The following ZNF318 variants were observed in gnomAD, a reference collection of about 807,000 sequenced individuals.
The protein encoded by ZNF318 is zinc finger protein 318.
ZNF318 carries 51 observed loss-of-function variants against 124.2 expected under a neutral mutation model. The observed-to-expected ratio is 0.41, with a 90% CI of 0.33 to 0.52. The LOEUF is 0.52. Ranked by LOEUF, ZNF318 falls within the 20% of genes least tolerant of loss-of-function variation. The pLI is 0.23. For missense variants in ZNF318, 2,815 were observed against 2,811.2 expected (o/e 1.00, Z -0.03); for synonymous variants, 1,090 against 1,040.7 (o/e 1.05, Z -0.91).
In ZNF318 at chr6:43,339,096, G is replaced by A. The variant is rs748364696; in HGVS notation, c.4902C>T (p.Val1634=). The A allele has an allele frequency of 1.2e-5, 19 of 1,614,006 alleles. No homozygotes were observed. The highest frequency in any genetic ancestry group is 3.3e-5 in the South Asian group (3 of 91,074). ...CAGAGTTGCTAACTATAGGAGCAGCGACCAAACCCTCATCTTGATGCAACT... is the reference window on the plus strand; with the variant it reads ...CAGAGTTGCTAACTATAGGAGCAGCAACCAAACCCTCATCTTGATGCAACT... The part of the protein sequence containing the change: ...QEELHQDEGL[V]AAPIVSNSEK... Residue 1634 remains valine (V), a synonymous_variant, in exon 10 of 10, where the codon GTC becomes GTT. Transcript: ENST00000361428. The surrounding 1 kb of genome is among the most constrained non-coding windows in gnomAD (Gnocchi z 4.2).
chr6:43,349,703 T>C (rs1779500386), intron 5 of ZNF318, among the ~76,000 whole-genome samples: 1 of 152,186 alleles, frequency 6.6e-6, no homozygotes, highest in Non-Finnish European at 1.5e-5. Context: ...TATGTTCTTT[T>C]CCTCACTGTG....
At chr6:43,342,274 C>A in intron 7 of ZNF318, 63 bp from the exon 8 acceptor site, 2 of 1,351,736 alleles carry the variant, frequency 1.5e-6, no homozygotes, top group Non-Finnish European at 2.0e-6. Flanking sequence ...CCACTTTTCT[C>A]TTTTTTTTCC....
Position 43,337,113 on chromosome 6 carries a change from C to T in ZNF318, c.*45G>A. 1 of 1,492,752 alleles carries T rather than the reference C, an allele frequency of 6.7e-7. No homozygotes were observed. The highest frequency in any genetic ancestry group is 8.9e-7 in the Non-Finnish European group (1 of 1,117,738). 92.5% of individuals were successfully genotyped at this position (1,492,752 alleles called of 1,614,324 possible). A position where few individuals can be genotyped will look rare whatever the true frequency, so the allele number is the denominator to read the frequency against. ...CTTGGATCATCTGGGCATCTGATTTCTAGAAGCCAATGATTCACTCACAAG... is the reference window on the plus strand; with the variant it reads ...CTTGGATCATCTGGGCATCTGATTTTTAGAAGCCAATGATTCACTCACAAG... On this transcript the variant is annotated 3_prime_UTR_variant, in exon 10 of 10. Transcript: ENST00000361428.
intron 8 of ZNF318, 80 bp from the exon 9 acceptor site, chr6:43,340,988 C>T: frequency 9.5e-7 from 1 of 1,048,702 alleles, no homozygotes; most frequent in Non-Finnish European, 1.5e-6. Context: ...CCCACCACCC[C>T]TTTGCAGTAA....
At chr6:43,346,465 A>G (rs1219201034) in intron 6 of ZNF318, among the ~76,000 whole-genome samples, 1 of 149,632 alleles carries the variant, frequency 6.7e-6, no homozygotes, top group African/African-American at 2.5e-5. Flanking sequence ...TGGGTGACAG[A>G]GCAAGAACTC....
rs1779582438 is a variant in ZNF318 at position 43,354,911 on chromosome 6, G to A, written c.2423C>T (p.Ser808Phe). The A allele has an allele frequency of 6.2e-7, 1 of 1,612,602 alleles. No individual in the cohort carries two copies. The highest frequency in any genetic ancestry group is 1.3e-5 in the African/African-American group (1 of 74,900). The change falls in exon 4 of 10, where the codon TCT (serine) becomes TTT (phenylalanine). Residue 808 changes from serine to phenylalanine, a missense_variant. Coordinates refer to ENST00000361428, the MANE Select transcript of ZNF318 (RefSeq NM_014345.3). ...AASRWPMYPT[S>F]QPSNHPVPEP... ...AGGTACAGGGTGGTTTGACGGTTGA[G>A]AGGTGGGATACATGGGCCATCTGGA...
chr6:43,356,993 A>C, intron 3 of ZNF318, 133 bp downstream of exon 3: 1 of 1,070,664 alleles, frequency 9.3e-7, no homozygotes, highest in Non-Finnish European at 1.3e-6. Flanking sequence ...AGAGTCCTAG[A>C]AGGTGTAGCT....
intron 7 of ZNF318, 100 bp from the exon 8 acceptor site, chr6:43,342,311 GC>G: frequency 1.1e-6 from 1 of 914,970 alleles, no homozygotes; most frequent in Non-Finnish European, 1.6e-6. Context: ...GGGACCAGAA[GC>G]CCCCAGCTAC....
intron 2 of ZNF318, among the ~76,000 whole-genome samples, chr6:43,361,393 A>T (rs1409902219): frequency 6.6e-6 from 1 of 152,132 alleles, no homozygotes; most frequent in African/African-American, 2.4e-5. Context: ...ATAGAAACCC[A>T]ATTTCTAAAA....
intron 2 of ZNF318, among the ~76,000 whole-genome samples, chr6:43,360,692 A>G (rs1192737671): frequency 6.6e-6 from 1 of 152,244 alleles, no homozygotes; most frequent in African/African-American, 2.4e-5. Flanking sequence ...TCAAAATGTT[A>G]TCCATTCATT....
In ZNF318 at chr6:43,363,976, T is replaced by C. The variant is rs1581652097; in HGVS notation, c.548+1316A>G. The C allele has an allele frequency of 7.3e-6, 5 of 687,430 alleles. No homozygotes were observed. In the East Asian group the frequency reaches 1.1e-4, roughly 15 times the overall value. The allele number at this position is 687,430 out of a possible 1,614,324, so 42.6% of individuals were successfully genotyped here. ...CGTTCCTTGCAAGGTGACAGGCTACTGCGGCTCTGTGCTGGTGCACCTCAT... is the reference window on the plus strand; with the variant it reads ...CGTTCCTTGCAAGGTGACAGGCTACCGCGGCTCTGTGCTGGTGCACCTCAT... On this transcript the variant is annotated intron_variant, in intron 2 of 9. Transcript: ENST00000361428.
rs769032541 is a variant in ZNF318 at position 43,338,956 on chromosome 6, C to G, written c.5042G>C (p.Cys1681Ser). 18 of 1,614,046 alleles carry G rather than the reference C, an allele frequency of 1.1e-5. No homozygotes were observed. The highest frequency in any genetic ancestry group is 1.3e-5 in the African/African-American group (1 of 74,932). The change falls in exon 10 of 10, where the codon TGC becomes TCC. Residue 1681 changes from cysteine to serine, a missense_variant. Cys to Ser is a moderately radical substitution (Grantham distance 112). Transcript: ENST00000361428. Reference sequence around the variant, plus strand: ...AATTGTTTCATAAGGCCTGCTTTGGCACAACCTTGTCAGAGGCTGTAGGAA... The same window carrying G: ...AATTGTTTCATAAGGCCTGCTTTGGGACAACCTTGTCAGAGGCTGTAGGAA... ...YGFLQPLTRL[C>S]QSRPYETITP... is the part of the protein sequence containing the mutation.
chr6:43,344,312 T>C (rs776734890), intron 6 of ZNF318, among the ~76,000 whole-genome samples: 2 of 152,224 alleles, frequency 1.3e-5, no homozygotes, highest in Non-Finnish European at 2.9e-5. Context: ...CTCAAAATAC[T>C]GTATACCCTT....
At chr6:43,341,668 AAAAAG>A (rs961038807) in intron 8 of ZNF318, among the ~76,000 whole-genome samples, 4 of 152,006 alleles carry the variant, frequency 2.6e-5, no homozygotes, top group African/African-American at 9.7e-5. Flanking sequence ...AAAAAAAAAA[AAAAAG>A]AAATTGAGAA....
At chr6:43,356,928 T>C (rs185593469) in intron 3 of ZNF318, among the ~76,000 whole-genome samples, 198 bp downstream of exon 3, 58 of 152,258 alleles carry the variant, frequency 3.8e-4, no homozygotes, top group Non-Finnish European at 5.7e-4. Context: ...TAAAGCCTAA[T>C]ATACAGCAAT....
rs779096987 is a variant in ZNF318, at chr6:43,338,529, T to G, written c.5469A>C (p.Val1823=). 6.2e-7 allele frequency: 1 copy of G among 1,614,262 alleles called. No homozygotes were observed. The highest frequency in any genetic ancestry group is 1.1e-5 in the South Asian group (1 of 91,090). ...HGNRYMWEGE[V]KQPNLLMIDK... ...CAATCATTAGCAAGTTGGGCTGTTTTACTTCTCCCTCCCACATGTATCTGT... is the reference window on the plus strand; with the variant it reads ...CAATCATTAGCAAGTTGGGCTGTTTGACTTCTCCCTCCCACATGTATCTGT... Residue 1823 remains valine (V), a synonymous_variant, in exon 10 of 10, where the codon GTA becomes GTC. Transcript: ENST00000361428.
rs753526868 is a variant in ZNF318, at chr6:43,340,010, C to A, written c.3988G>T (p.Val1330Phe). 2 of 1,614,200 alleles carry A rather than the reference C, an allele frequency of 1.2e-6. No homozygotes were observed. The highest frequency in any genetic ancestry group is 1.1e-5 in the South Asian group (1 of 91,088). Residue 1330 changes from valine to phenylalanine, a missense_variant, in exon 10 of 10, where the codon GTT (valine) becomes TTT (phenylalanine). Coordinates refer to ENST00000361428, the MANE Select transcript of ZNF318 (RefSeq NM_014345.3). ...GGCATCCAAGGGCTGGTATGTGCAA[C>A]AACAGTTTTCCCAGAGAGCTTGATT... ...IKIKLSGKTV[V>F]AHTSPWMPVV...
At position 43,369,263 on chromosome 6, in the gene ZNF318, G is replaced by A; in HGVS notation, c.103C>T (p.Pro35Ser). ...GGCGGCGGTGAGCTGCGGCGAGCCG[G>A]GCCTGAGGAGGAGCCAGAGCTGCGG... is the stretch of plus-strand genomic sequence containing the variant. ...SGRSSGSSSGPARRSSPPPPP... is the reference protein window; with the variant it reads ...SGRSSGSSSGSARRSSPPPPP... Residue 35 changes from proline to serine, a missense_variant, in exon 1 of 10, where the codon CCG becomes TCG. Transcript: ENST00000361428. 2.3e-6 allele frequency: 3 copies of A among 1,297,440 alleles called. No homozygotes were observed. The highest frequency in any genetic ancestry group is 1.9e-5 in the South Asian group (1 of 51,748). The allele number at this position is 1,297,440 out of a possible 1,614,324, so 80.4% of individuals were successfully genotyped here.
Position 43,336,474 on chromosome 6 carries a change from T to A in ZNF318, c.*684A>T, listed in dbSNP as rs1582576584. The A allele has an allele frequency of 6.6e-6, 1 of 152,352 alleles. No homozygotes were observed. The highest frequency in any genetic ancestry group is 2.1e-4 in the South Asian group (1 of 4,828). 9.4% of individuals were successfully genotyped at this position (152,352 alleles called of 1,614,324 possible). A position where few individuals can be genotyped will look rare whatever the true frequency, so the allele number is the denominator to read the frequency against. On this transcript the variant is annotated 3_prime_UTR_variant, in exon 10 of 10. Coordinates refer to ENST00000361428, the MANE Select transcript of ZNF318 (RefSeq NM_014345.3). Reference sequence around the variant, plus strand: ...TTCTAAAAGTAAGCCTGCCAGATATTCTTCCATGTTTATTTCCAAACAGGT... The same window carrying A: ...TTCTAAAAGTAAGCCTGCCAGATATACTTCCATGTTTATTTCCAAACAGGT...
Sources: allele counts gnomAD v4.1 joint callset (sites outside exome capture counted in the v4.1 genomes callset), GRCh38; gene constraint gnomAD v4.1.1; non-coding constraint Gnocchi (gnomAD v3.1); transcripts MANE v1.5; gene names NCBI Gene and HGNC (gene_info 2026-07-23, HGNC 2026-07-21).